NBAS: variants seen among roughly 807,000 people sequenced by gnomAD.
NBAS encodes the protein NAG/BC035112 fusion.
In NBAS, 219 loss-of-function variants were observed where a neutral mutation model predicts 302.5. That is an observed-to-expected ratio of 0.72 (90% CI 0.65 to 0.81). The LOEUF (loss-of-function observed/expected upper bound fraction) is 0.81. NBAS is among the 30% of genes least tolerant of loss of function. NBAS has a pLI of 0.00. For missense variants in NBAS, 2,932 were observed against 2,841.6 expected, an observed-to-expected ratio of 1.03 and a Z score of -0.72; for synonymous variants, 1,118 against 1,021.6, an observed-to-expected ratio of 1.09 and a Z score of -1.80.
At chr2:14,910,924 A>G in the NBAS span, among the ~76,000 whole-genome samples, 1 of 152,210 alleles carries the variant, frequency 6.6e-6, no homozygotes, top group African/African-American at 2.4e-5. Context: ...CTCTTTGGTA[A>G]TTTACCCGCA....
chr2:15,396,710 G>T (rs1050581132), intron 26 of NBAS, among the ~76,000 whole-genome samples: 1 of 149,166 alleles, frequency 6.7e-6, no homozygotes, highest in African/African-American at 2.5e-5. Context: ...ATTTTCTAGG[G>T]TACTTTTGGT....
intron 36 of NBAS, 30 bp from the exon 37 acceptor site, chr2:15,328,342 A>AT (rs1351234102): frequency 6.4e-7 from 1 of 1,564,138 alleles, no homozygotes; most frequent in South Asian, 1.1e-5. Context: ...AGAACAATGG[A>AT]TAAAAAGAAA....
the NBAS span, among the ~76,000 whole-genome samples, chr2:14,889,403 C>G: frequency 6.6e-6 from 1 of 152,176 alleles, no homozygotes; most frequent in Non-Finnish European, 1.5e-5. Flanking sequence ...CCAACTGACT[C>G]CACACTTCTG....
chr2:15,506,275 A>G (rs1430730866), intron 10 of NBAS, among the ~76,000 whole-genome samples: 2 of 152,084 alleles, frequency 1.3e-5, no homozygotes, highest in Non-Finnish European at 2.9e-5. Context: ...ATAGAAAAAA[A>G]TCTGAATCTA....
intron 31 of NBAS, among the ~76,000 whole-genome samples, chr2:15,374,224 T>C (rs1034525874): frequency 6.6e-6 from 1 of 152,098 alleles, no homozygotes; most frequent in East Asian, 1.9e-4. Flanking sequence ...TTTTTATTTA[T>C]AGCTAGTTAT....
intron 26 of NBAS, among the ~76,000 whole-genome samples, chr2:15,400,271 A>G (rs1423120446): frequency 2.6e-5 from 4 of 152,066 alleles, no homozygotes; most frequent in Non-Finnish European, 5.9e-5. Context: ...TAGAGAGATC[A>G]TTAAATAGTT....
chr2:15,478,112 T>A, intron 13 of NBAS, 114 bp downstream of exon 13: 1 of 753,424 alleles, frequency 1.3e-6, no homozygotes. Context: ...AATCTTGATG[T>A]TTCTTCCAAA....
At chr2:15,132,988 CAT>C in the NBAS span, among the ~76,000 whole-genome samples, 1 of 152,090 alleles carries the variant, frequency 6.6e-6, no homozygotes, top group South Asian at 2.1e-4. Flanking sequence ...AATAAGAAAA[CAT>C]ATATTTGAAT....
chr2:15,245,863 G>A (rs1383808181), intron 44 of NBAS, among the ~76,000 whole-genome samples: 1 of 152,172 alleles, frequency 6.6e-6, no homozygotes, highest in Non-Finnish European at 1.5e-5. Context: ...GGTTTGTTTG[G>A]TTGGTTGGCT....
chr2:15,292,825 A>C, intron 40 of NBAS, 59 bp from the exon 41 acceptor site: 1 of 1,491,228 alleles, frequency 6.7e-7, no homozygotes, highest in South Asian at 1.1e-5. Flanking sequence ...CGAGCAAGTG[A>C]GTAACAAATG....
At chr2:15,196,115 C>T (rs1665607881) in intron 48 of NBAS, among the ~76,000 whole-genome samples, 1 of 152,210 alleles carries the variant, frequency 6.6e-6, no homozygotes, top group South Asian at 2.1e-4. Context: ...TATACTCTCA[C>T]TCACACTCAA....
the NBAS span, among the ~76,000 whole-genome samples, chr2:14,780,204 G>A: frequency 6.6e-6 from 1 of 152,212 alleles, no homozygotes; most frequent in East Asian, 1.9e-4. Flanking sequence ...CTTGAAAATT[G>A]ATTAGAGTTC....
chr2:15,303,205 AC>A (rs1670884153), intron 40 of NBAS, among the ~76,000 whole-genome samples: 1 of 152,166 alleles, frequency 6.6e-6, no homozygotes, highest in African/African-American at 2.4e-5. Flanking sequence ...CCTGACTAAT[AC>A]AATAGGAAAA....
At chr2:15,419,389 T>TTGTGTGTGTGTATGAGTGTG (rs1553309357) in intron 23 of NBAS, among the ~76,000 whole-genome samples, 8 of 150,688 alleles carry the variant, frequency 5.3e-5, no homozygotes, top group African/African-American at 1.7e-4. Context: ...AAAGTAAAAA[T>TTGTGTGTGTGTATGAGTGTG]TGTGTGTGTG....
intron 21 of NBAS, among the ~76,000 whole-genome samples, chr2:15,451,681 C>T (rs1679018669): frequency 6.6e-6 from 1 of 152,048 alleles, no homozygotes; most frequent in Non-Finnish European, 1.5e-5. Context: ...AAGTTTTACG[C>T]TGTTGTAATA....
chr2:15,338,688 C>CACACAT (rs1672708768), intron 35 of NBAS, among the ~76,000 whole-genome samples: 1 of 151,018 alleles, frequency 6.6e-6, no homozygotes, highest in African/African-American at 2.4e-5. Context: ...CACACACACA[C>CACACAT]ACACACACAC....
the NBAS span, among the ~76,000 whole-genome samples, chr2:14,795,822 C>T: frequency 6.6e-6 from 1 of 152,178 alleles, no homozygotes; most frequent in African/African-American, 2.4e-5. Flanking sequence ...CCAACTGTAA[C>T]AGCCAAAAAT....
At chr2:15,037,864 G>T in the NBAS span, among the ~76,000 whole-genome samples, 1 of 151,940 alleles carries the variant, frequency 6.6e-6, no homozygotes, top group South Asian at 2.1e-4. Context: ...TTAAAACTCA[G>T]GTTTCAGTCA....
the NBAS span, among the ~76,000 whole-genome samples, chr2:14,779,175 A>G: frequency 6.6e-6 from 1 of 152,176 alleles, no homozygotes; most frequent in Non-Finnish European, 1.5e-5. Context: ...AAGAGTGGGT[A>G]GGCATCTTCC....
Sources: gnomAD v4.1 joint callset for allele counts (sites outside exome capture counted in the v4.1 genomes callset) on GRCh38, gnomAD v4.1.1 for gene constraint, MANE v1.5 for transcripts, NCBI Gene and HGNC (gene_info 2026-07-23, HGNC 2026-07-21) for gene names.